RCAN2: variants seen among roughly 807,000 people sequenced by gnomAD.
RCAN2 encodes the protein calcipressin-2.
RCAN2 carries 9 observed loss-of-function variants against 23.6 expected under a neutral mutation model. The ratio of observed to expected loss-of-function variants is 0.38; its 90% CI spans 0.23 to 0.67. RCAN2 has a LOEUF of 0.67. RCAN2 is among the 30% of genes least tolerant of loss of function. The pLI, the probability that RCAN2 is intolerant of heterozygous loss-of-function variation, is 0.51. For synonymous variants in RCAN2, 109 were observed against 115.7 expected, an observed-to-expected ratio of 0.94 and a Z score of 0.37; for missense variants, 273 against 302.3, an observed-to-expected ratio of 0.90 and a Z score of 0.72.
chr6:46,411,837 C>A (rs1259614006), intron 2 of RCAN2, among the ~76,000 whole-genome samples: 1 of 151,960 alleles, frequency 6.6e-6, no homozygotes, highest in South Asian at 2.1e-4. Flanking sequence ...ATGTAATGGG[C>A]AAGGAGAATG....
chr6:46,446,943 C>A (rs60844995), intron 2 of RCAN2, among the ~76,000 whole-genome samples: 1 of 152,054 alleles, frequency 6.6e-6, no homozygotes, highest in African/African-American at 2.4e-5. Context: ...ATCTACAAAG[C>A]AACTAAGAAC....
chr6:46,393,398 C>T lies in RCAN2; in HGVS notation c.225+63354G>A, dbSNP rs148797380. 1.9e-3 allele frequency among the ~76,000 whole-genome samples: 286 copies of T among 152,244 alleles called. 1 individual carries two copies. Among genetic ancestry groups the T allele is most frequent in the African/African-American group, 6.5e-3 (271 of 41,540 alleles). ...GTTCACTGAGATAATACAATTGAAGCACTTGATGCAGTGAGTAGTTTGTAG... is the reference window on the plus strand; with the variant it reads ...GTTCACTGAGATAATACAATTGAAGTACTTGATGCAGTGAGTAGTTTGTAG... On this transcript the variant is annotated intron_variant, in intron 2 of 4. Transcript: ENST00000371374.
At chr6:46,345,387 A>G (rs550793193) in intron 2 of RCAN2, among the ~76,000 whole-genome samples, 1 of 152,262 alleles carries the variant, frequency 6.6e-6, no homozygotes, top group Admixed American at 6.5e-5. Flanking sequence ...TCCGAAAACA[A>G]ACTTGACCTA....
At chr6:46,285,464 C>T (rs369362937) in intron 2 of RCAN2, among the ~76,000 whole-genome samples, 28 of 152,212 alleles carry the variant, frequency 1.8e-4, no homozygotes, top group African/African-American at 2.6e-4. Flanking sequence ...ATTGCAAAGT[C>T]GCAAATAAAG....
chr6:46,388,582 A>G (rs1236630309), intron 2 of RCAN2, among the ~76,000 whole-genome samples: 1 of 152,210 alleles, frequency 6.6e-6, no homozygotes. Context: ...GATAAAGAAA[A>G]TGTGGTACAT....
chr6:46,348,264 T>C (rs1229663958), intron 2 of RCAN2, among the ~76,000 whole-genome samples: 1 of 152,204 alleles, frequency 6.6e-6, no homozygotes, highest in Non-Finnish European at 1.5e-5. Flanking sequence ...AATATCCACA[T>C]TCAAGGGCAG....
At chr6:46,388,928 C>T (rs928570901) in intron 2 of RCAN2, among the ~76,000 whole-genome samples, 12 of 151,976 alleles carry the variant, frequency 7.9e-5, no homozygotes, top group Non-Finnish European at 1.3e-4. Context: ...CAAACCTGCA[C>T]GTACTGCACG....
At chr6:46,231,688 G>T (rs191539160) in intron 4 of RCAN2, among the ~76,000 whole-genome samples, 1 of 152,134 alleles carries the variant, frequency 6.6e-6, no homozygotes, top group African/African-American at 2.4e-5. Flanking sequence ...GGGATTACAG[G>T]TGTGAGCCAC....
At chr6:46,263,537 G>A (rs866780555) in intron 2 of RCAN2, among the ~76,000 whole-genome samples, 29 of 62,568 alleles carry the variant, frequency 4.6e-4, no homozygotes, top group African/African-American at 7.0e-4. Flanking sequence ...GTGTGTGTGT[G>A]TATGTGTGTG....
At chr6:46,421,497 T>G (rs1057486113) in intron 2 of RCAN2, among the ~76,000 whole-genome samples, 1 of 152,222 alleles carries the variant, frequency 6.6e-6, no homozygotes, top group African/African-American at 2.4e-5. Flanking sequence ...TTTGACATGT[T>G]AAATTTAAGA....
At chr6:46,288,722 C>T (rs1027661530) in intron 2 of RCAN2, among the ~76,000 whole-genome samples, 1 of 152,234 alleles carries the variant, frequency 6.6e-6, no homozygotes, top group African/African-American at 2.4e-5. Context: ...GGAAGGCAAC[C>T]TATTGCCTTG....
chr6:46,488,346 T>A (rs1278418237), intron 1 of RCAN2, among the ~76,000 whole-genome samples: 1 of 152,188 alleles, frequency 6.6e-6, no homozygotes, highest in East Asian at 1.9e-4. Flanking sequence ...AGATCAGATG[T>A]GATAAACCAG....
chr6:46,279,285 C>T (rs1477995866), intron 2 of RCAN2, among the ~76,000 whole-genome samples: 1 of 152,150 alleles, frequency 6.6e-6, no homozygotes, highest in Admixed American at 6.5e-5. Context: ...TTTGTGGGTA[C>T]ATTAGCAACC....
chr6:46,293,996 C>T (rs1762642970), intron 2 of RCAN2, among the ~76,000 whole-genome samples: 1 of 152,094 alleles, frequency 6.6e-6, no homozygotes, highest in African/African-American at 2.4e-5. Flanking sequence ...TTATGTGCAT[C>T]TTGGAGCAGC....
chr6:46,481,612 C>A (rs1267936488), intron 1 of RCAN2, among the ~76,000 whole-genome samples: 1 of 152,072 alleles, frequency 6.6e-6, no homozygotes, highest in Non-Finnish European at 1.5e-5. Context: ...TTATTTGTTA[C>A]AAAGACTTTT....
At chr6:46,478,326 A>G (rs182195424) in intron 1 of RCAN2, among the ~76,000 whole-genome samples, 30 of 152,328 alleles carry the variant, frequency 2.0e-4, no homozygotes, top group African/African-American at 7.0e-4. Flanking sequence ...AATAATAACA[A>G]TGATAGTGAT....
chr6:46,251,320 C>T (rs1766706268), intron 2 of RCAN2, among the ~76,000 whole-genome samples: 1 of 152,216 alleles, frequency 6.6e-6, no homozygotes, highest in Non-Finnish European at 1.5e-5. Flanking sequence ...AAAATGCATT[C>T]TGTTTCCTCA....
chr6:46,246,808 T>C lies in RCAN2; in HGVS notation c.511A>G (p.Asn171Asp). The stretch of plus-strand genomic sequence containing the variant: ...TAGTTGAGGACTGGCGTGGCATCGT[T>C]GATGGGCTGCCAGCCAACAGGTGGG... ...SSPPVGWQPI[N>D]DATPVLNYDL... The change falls in exon 4 of 5, where the codon AAC (asparagine) becomes GAC (aspartate). Residue 171 changes from asparagine (N) to aspartate (D), a missense_variant. Transcript: ENST00000371374. 6.2e-7 allele frequency: 1 copy of C among 1,613,586 alleles called. No individual in the cohort carries two copies. The highest frequency in any genetic ancestry group is 8.5e-7 in the Non-Finnish European group (1 of 1,179,792).
intron 1 of RCAN2, among the ~76,000 whole-genome samples, chr6:46,480,764 T>C (rs1323919760): frequency 1.3e-5 from 2 of 152,124 alleles, no homozygotes; most frequent in Non-Finnish European, 2.9e-5. Flanking sequence ...TAGCTGAGAT[T>C]ACAGGCACCC....
Sources: allele counts gnomAD v4.1 joint callset (sites outside exome capture counted in the v4.1 genomes callset), GRCh38; gene constraint gnomAD v4.1.1; transcripts MANE v1.5; gene names NCBI Gene and HGNC (gene_info 2026-07-23, HGNC 2026-07-21).